Variants in ZNF431 observed in about 807,000 individuals in gnomAD.
The protein encoded by ZNF431 is zinc finger protein 431.
A neutral mutation model predicts 57.0 loss-of-function variants in ZNF431; 34 were observed. That is an observed-to-expected ratio of 0.60 (90% CI 0.45 to 0.79). The LOEUF (loss-of-function observed/expected upper bound fraction) is 0.79, where lower values mean the gene tolerates loss of function less well. Ranked by LOEUF, ZNF431 falls within the 30% of genes least tolerant of loss-of-function variation. ZNF431 has a pLI of 0.00. For synonymous variants in ZNF431, 207 were observed against 220.3 expected (o/e 0.94, Z 0.54); for missense variants, 607 against 667.1 (o/e 0.91, Z 0.99).
chr19:21,175,821 G>A (rs1196296556), intron 4 of ZNF431, among the ~76,000 whole-genome samples: 10 of 152,162 alleles, frequency 6.6e-5, no homozygotes, highest in Admixed American at 3.9e-4. Context: ...TATCCAGTCT[G>A]TCATAGATGG....
intron 4 of ZNF431, chr19:21,169,783 CTG>C: frequency 2.5e-6 from 1 of 398,560 alleles, no homozygotes; most frequent in Non-Finnish European, 4.4e-6. Context: ...CTTCAGGTCA[CTG>C]TGTGGGTTTC....
chr19:21,161,778 C>T (rs774063180), intron 2 of ZNF431, among the ~76,000 whole-genome samples: 17 of 152,026 alleles, frequency 1.1e-4, no homozygotes, highest in Admixed American at 2.0e-4. Context: ...CTCATCCTCC[C>T]GAGTAGCTGG....
At position 21,182,743 on chromosome 19, in the gene ZNF431, G is replaced by C; in HGVS notation, c.440G>C (p.Gly147Ala). 6.2e-7 allele frequency: 1 copy of C among 1,613,876 alleles called. No homozygotes were observed. The highest frequency in any genetic ancestry group is 8.5e-7 in the Non-Finnish European group (1 of 1,179,872). The change falls in exon 5 of 5, where the codon GGC becomes GCC. Residue 147 changes from glycine to alanine, a missense_variant. Physicochemically the swap from Gly to Ala is moderately conservative, Grantham distance 60 (BLOSUM62 0). Coordinates refer to ENST00000311048, the MANE Select transcript of ZNF431 (RefSeq NM_133473.4). ...CATGAGAATTTACAGTTAAGAAAAGGCTCCGCAAGTGTAGATGAGTATAAG... is the reference window on the plus strand; with the variant it reads ...CATGAGAATTTACAGTTAAGAAAAGCCTCCGCAAGTGTAGATGAGTATAAG... ...CEHENLQLRK[G>A]SASVDEYKVH...
At chr19:21,166,541 T>C (rs1970726006) in intron 3 of ZNF431, 80 bp downstream of exon 3, 3 of 1,487,198 alleles carry the variant, frequency 2.0e-6, no homozygotes, top group Non-Finnish European at 2.7e-6. Context: ...TTTTTGATAA[T>C]TTATGCTTTG....
intron 4 of ZNF431, among the ~76,000 whole-genome samples, chr19:21,174,228 C>T (rs1399533180): frequency 6.6e-6 from 1 of 152,168 alleles, no homozygotes; most frequent in Non-Finnish European, 1.5e-5. Flanking sequence ...AAGTTACACA[C>T]TCAGGTATTC....
chr19:21,167,410 C>T lies in ZNF431; in HGVS notation c.224-161C>T, dbSNP rs535086615. Among the ~76,000 whole-genome samples the T allele has an allele frequency of 3.4e-4, 52 of 152,252 alleles. 1 individual carries two copies. Among genetic ancestry groups the T allele is most frequent in the African/African-American group, 6.5e-4 (27 of 41,554 alleles). On this transcript the variant is annotated intron_variant, in intron 3 of 4. Coordinates refer to ENST00000311048, the MANE Select transcript of ZNF431 (RefSeq NM_133473.4). ...CTGACCTCAGGTGATCTGTCCGTCT[C>T]GGCCTCCCAAAGTGCTGAGATAACA... is the stretch of plus-strand genomic sequence containing the variant.
Position 21,191,529 on chromosome 19 carries a change from G to A in ZNF431, c.*7495G>A, listed in dbSNP as rs1971509951. The A allele has an allele frequency of 6.6e-6, 1 of 151,988 alleles. No individual in the cohort carries two copies. Among genetic ancestry groups the A allele is most frequent in the Non-Finnish European group, 1.5e-5 (1 of 68,008 alleles). 9.4% of individuals were successfully genotyped at this position (151,988 alleles called of 1,614,324 possible). A position where few individuals can be genotyped will look rare whatever the true frequency, so the allele number is the denominator to read the frequency against. The stretch of plus-strand genomic sequence containing the variant: ...ATATTTTGGCAGTAGTAGTTTCAGA[G>A]TGTCAGGCCTTACATTTAAGTACTA... On this transcript the variant is annotated 3_prime_UTR_variant, in exon 5 of 5. Transcript: ENST00000311048.
Position 21,143,584 on chromosome 19 carries a change from G to T in ZNF431, c.37G>T (p.Glu13Ter). The T allele has an allele frequency of 1.9e-6, 3 of 1,613,988 alleles. No homozygotes were observed. Among genetic ancestry groups the T allele is most frequent in the Non-Finnish European group, 2.5e-6 (3 of 1,179,876 alleles). The change falls in exon 2 of 5, where the codon GAA becomes TAA. Residue 13 changes from glutamate to a stop codon, truncating the protein, a stop_gained. Coordinates refer to ENST00000311048, the MANE Select transcript of ZNF431 (RefSeq NM_133473.4). LOFTEE classifies it high-confidence loss of function. ...DLKYGVYPLK[E>*]ASGCPGAERN... ...GAAATATGGAGTGTATCCTCTCAAG[G>T]AAGCAAGTGGATGCCCTGGGGCTGA...
intron 4 of ZNF431, 51 bp downstream of exon 4, chr19:21,167,717 TAAAA>T (rs113788883): frequency 9.1e-7 from 1 of 1,095,166 alleles, no homozygotes; most frequent in Non-Finnish European, 1.2e-6. Flanking sequence ...GTCCAAAGCT[TAAAA>T]AAAAAAAATG....
intron 2 of ZNF431, chr19:21,162,755 G>A (rs1970611554): frequency 2.0e-6 from 2 of 985,222 alleles, no homozygotes; most frequent in African/African-American, 1.7e-5. Flanking sequence ...CCAAAAGCAG[G>A]TAAATGAGAA....
intron 2 of ZNF431, among the ~76,000 whole-genome samples, chr19:21,144,680 A>G (rs970144670): frequency 2.0e-5 from 3 of 152,152 alleles, no homozygotes; most frequent in African/African-American, 7.2e-5. Flanking sequence ...ACAGAATTCC[A>G]AGGCTTAGCT....
rs568507597 is a variant in ZNF431 at position 21,159,656 on chromosome 19, C to T, written c.97-6679C>T. On this transcript the variant is annotated intron_variant, in intron 2 of 4. Coordinates refer to ENST00000311048, the MANE Select transcript of ZNF431 (RefSeq NM_133473.4). Reference sequence around the variant, plus strand: ...AAAGTGCTGGGATTACAGGCATGAGCCACTGCACCTGGCTGATGCTATTCT... The same window carrying T: ...AAAGTGCTGGGATTACAGGCATGAGTCACTGCACCTGGCTGATGCTATTCT... 8.6e-4 allele frequency among the ~76,000 whole-genome samples: 131 copies of T among 152,254 alleles called. 1 individual carries two copies. The highest frequency in any genetic ancestry group is 2.9e-3 in the African/African-American group (122 of 41,544).
intron 2 of ZNF431, among the ~76,000 whole-genome samples, chr19:21,160,785 G>C (rs1318112548): frequency 6.6e-6 from 1 of 152,208 alleles, no homozygotes; most frequent in Non-Finnish European, 1.5e-5. Context: ...CAAGATGAGA[G>C]TTTCTCCAGT....
In ZNF431 at chr19:21,183,967, T is replaced by G; in HGVS notation, c.1664T>G (p.Leu555Arg). The change falls in exon 5 of 5, where the codon CTT becomes CGT. Residue 555 changes from leucine (L) to arginine (R), a missense_variant. Leu to Arg is a moderately radical substitution (Grantham distance 102, BLOSUM62 -2). Coordinates refer to ENST00000311048, the MANE Select transcript of ZNF431 (RefSeq NM_133473.4). ...AATACATTTAACCAGTCCTCAAACC[T>G]TATTAAACAAAATAATTCATACTGG... Reference protein sequence around the residue: ...CDNTFNQSSNLIKQNNSYWRE... With the variant: ...CDNTFNQSSNRIKQNNSYWRE... 1.3e-6 allele frequency: 2 copies of G among 1,595,598 alleles called. No individual in the cohort carries two copies. Among genetic ancestry groups the G allele is most frequent in the South Asian group, 2.3e-5 (2 of 87,506 alleles).
intron 2 of ZNF431, among the ~76,000 whole-genome samples, chr19:21,145,609 C>T (rs922171708): frequency 5.3e-5 from 8 of 152,060 alleles, no homozygotes; most frequent in Non-Finnish European, 1.2e-4. Context: ...AAGCTGGGGA[C>T]CCACAGGCAA....
At chr19:21,156,562 C>G (rs1380324803) in intron 2 of ZNF431, among the ~76,000 whole-genome samples, 2 of 152,012 alleles carry the variant, frequency 1.3e-5, no homozygotes, top group East Asian at 1.9e-4. Context: ...GTCTGTCGTT[C>G]CCTTCTTTGT....
intron 2 of ZNF431, among the ~76,000 whole-genome samples, chr19:21,158,426 C>T (rs1970483378): frequency 6.6e-6 from 1 of 152,128 alleles, no homozygotes; most frequent in Non-Finnish European, 1.5e-5. Flanking sequence ...TCTCGAACTC[C>T]TGACCTCATG....
At chr19:21,150,323 C>T (rs745342382) in intron 2 of ZNF431, 3 of 425,996 alleles carry the variant, frequency 7.0e-6, no homozygotes, top group Admixed American at 5.9e-5. Flanking sequence ...CCCAGTGCCA[C>T]AATTCTTAGG....
At chr19:21,146,053 G>A (rs1364548177) in intron 2 of ZNF431, among the ~76,000 whole-genome samples, 1 of 152,042 alleles carries the variant, frequency 6.6e-6, no homozygotes, top group Non-Finnish European at 1.5e-5. Flanking sequence ...CTTTTAATTG[G>A]AAAAATAAGA....
Sources: allele counts gnomAD v4.1 joint callset (sites outside exome capture counted in the v4.1 genomes callset), GRCh38; gene constraint gnomAD v4.1.1; transcripts MANE v1.5; gene names NCBI Gene and HGNC (gene_info 2026-07-23, HGNC 2026-07-21).